Variants in ULK2 observed in about 807,000 individuals in gnomAD.
The protein encoded by ULK2 is serine/threonine-protein kinase ULK2.
In ULK2, 76 loss-of-function variants were observed where a neutral mutation model predicts 127.5. The ratio of observed to expected loss-of-function variants is 0.60; its 90% CI spans 0.50 to 0.72. The LOEUF is 0.72. Ranked by LOEUF, ULK2 falls within the 30% of genes least tolerant of loss-of-function variation. The probability of loss-of-function intolerance (pLI) is 0.00; values close to 1 mark genes in which losing one functional copy is unlikely to be tolerated. For synonymous variants in ULK2, 452 were observed against 461.9 expected, an observed-to-expected ratio of 0.98 and a Z score of 0.28; for missense variants, 1,144 against 1,295.9, an observed-to-expected ratio of 0.88 and a Z score of 1.80.
intron 13 of ULK2, among the ~76,000 whole-genome samples, chr17:19,814,567 A>G (rs1337783593): frequency 6.6e-6 from 1 of 150,580 alleles, no homozygotes; most frequent in African/African-American, 2.4e-5. Context: ...ATGCACCACC[A>G]TACCCAGCTA....
intron 14 of ULK2, among the ~76,000 whole-genome samples, chr17:19,806,703 G>C (rs528193796): frequency 3.2e-4 from 48 of 152,226 alleles, no homozygotes; most frequent in African/African-American, 1.1e-3. Context: ...TCAACTCCCT[G>C]AGTCCAAGTT....
chr17:19,840,662 AG>A (rs1365631898), intron 9 of ULK2: 1 of 167,480 alleles, frequency 6.0e-6, no homozygotes, highest in Non-Finnish European at 1.2e-5. Context: ...GGATCACTTG[AG>A]GTCAGGAGTT....
chr17:19,812,925 CTG>C (rs2087674726), intron 13 of ULK2, among the ~76,000 whole-genome samples: 1 of 152,174 alleles, frequency 6.6e-6, no homozygotes, highest in African/African-American at 2.4e-5. Context: ...TAGCAAAAAA[CTG>C]TACATTCATA....
intron 10 of ULK2, among the ~76,000 whole-genome samples, chr17:19,827,961 C>A (rs941639379): frequency 6.7e-6 from 1 of 149,266 alleles, no homozygotes; most frequent in Non-Finnish European, 1.5e-5. Context: ...ACTGATGAGA[C>A]CCACACAGAG....
chr17:19,836,358 G>C (rs1298135589), intron 10 of ULK2, among the ~76,000 whole-genome samples: 1 of 151,870 alleles, frequency 6.6e-6, no homozygotes, highest in South Asian at 2.1e-4. Flanking sequence ...GCAGTGAGCC[G>C]AGATCGCGCC....
intron 13 of ULK2, among the ~76,000 whole-genome samples, chr17:19,814,691 T>A (rs557116965): frequency 6.6e-6 from 1 of 151,966 alleles, no homozygotes; most frequent in Admixed American, 6.6e-5. Context: ...TGACTACAGG[T>A]GTGCACCACC....
intron 10 of ULK2, among the ~76,000 whole-genome samples, chr17:19,835,249 A>G (rs2041563652): frequency 6.6e-6 from 1 of 150,618 alleles, no homozygotes; most frequent in South Asian, 2.1e-4. Context: ...TCCCAGGTTC[A>G]CACCATTCTC....
intron 14 of ULK2, among the ~76,000 whole-genome samples, chr17:19,806,382 G>A (rs2087516366): frequency 6.6e-6 from 1 of 152,032 alleles, no homozygotes. Context: ...AATCTCCAAA[G>A]GGAAGAAGCT....
chr17:19,816,931 C>T lies in ULK2; in HGVS notation c.925-11G>A, dbSNP rs762519219. ...CATATCTGGAAGGGACTAAAATTAACAACATAAAATTAAAACTGGTCTAAT... is the reference window on the plus strand; with the variant it reads ...CATATCTGGAAGGGACTAAAATTAATAACATAAAATTAAAACTGGTCTAAT... On this transcript the variant is annotated splice_polypyrimidine_tract_variant and intron_variant, in intron 12 of 26. Transcript: ENST00000395544. 7 of 1,589,960 alleles carry T rather than the reference C, an allele frequency of 4.4e-6. No homozygotes were observed. The African/African-American group carries it at 6.8e-5, about 16-fold the overall frequency.
At position 19,773,357 on chromosome 17, in the gene ULK2, A is replaced by G. The variant is rs2086762767; in HGVS notation, c.*2992T>C. ...ATGTCCACTGTGTCTAACTCAACTT[A>G]TTACTGTGCAGACTGAGGCAATCCA... On this transcript the variant is annotated 3_prime_UTR_variant, in exon 27 of 27. Transcript: ENST00000395544. 1 of 152,100 alleles carries G rather than the reference A, an allele frequency of 6.6e-6. No homozygotes were observed. Among genetic ancestry groups the G allele is most frequent in the African/African-American group, 2.4e-5 (1 of 41,390 alleles). 9.4% of individuals were successfully genotyped at this position (152,100 alleles called of 1,614,324 possible).
intron 18 of ULK2, among the ~76,000 whole-genome samples, chr17:19,796,800 A>G (rs143594009): frequency 4.6e-5 from 7 of 152,204 alleles, no homozygotes; most frequent in African/African-American, 1.7e-4. Context: ...TGCGGGTGAG[A>G]CCTGGCAGGA....
In ULK2 at chr17:19,783,612, T is replaced by G. The variant is rs1414255203; in HGVS notation, c.2460+85A>C. Reference sequence around the variant, plus strand: ...TAAAGAGAACATAACTTCCTAACTATTTAATGTATTTTGTTCTTGTCATCA... The same window carrying G: ...TAAAGAGAACATAACTTCCTAACTAGTTAATGTATTTTGTTCTTGTCATCA... On this transcript the variant is annotated intron_variant, in intron 22 of 26. Transcript: ENST00000395544. 3.9e-6 allele frequency: 5 copies of G among 1,267,454 alleles called. No homozygotes were observed. The East Asian group carries it at 1.4e-4, about 35-fold the overall frequency. The allele number at this position is 1,267,454 out of a possible 1,614,324, so 78.5% of individuals were successfully genotyped here. A position where few individuals can be genotyped will look rare whatever the true frequency, so the allele number is the denominator to read the frequency against.
At chr17:19,781,461 T>TG (rs2086918679) in intron 23 of ULK2, among the ~76,000 whole-genome samples, 1 of 152,066 alleles carries the variant, frequency 6.6e-6, no homozygotes, top group African/African-American at 2.4e-5. Context: ...TTGCCCAGGC[T>TG]GGTCTCGAAC....
Position 19,810,409 on chromosome 17 carries a change from G to A in ULK2, c.1126C>T (p.Arg376Cys), listed in dbSNP as rs144154228. The A allele has an allele frequency of 8.7e-6, 14 of 1,606,730 alleles. No homozygotes were observed. The highest frequency in any genetic ancestry group is 4.5e-5 in the East Asian group (2 of 44,678). Residue 376 changes from arginine (R) to cysteine (C), a missense_variant, in exon 14 of 27, where the codon CGT becomes TGT. Coordinates refer to ENST00000395544, the MANE Select transcript of ULK2 (RefSeq NM_014683.4). The stretch of plus-strand genomic sequence containing the variant: ...CACACCAAGAATTCATTTGAAGCAC[G>A]TCTGCCAGCAGTCCCCACTGGCATA... ...CDMPVGTAGRRASNEFLVCGG... is the reference protein window; with the variant it reads ...CDMPVGTAGRCASNEFLVCGG...
At chr17:19,853,672 C>T (rs145286594) in intron 3 of ULK2, among the ~76,000 whole-genome samples, 4,725 of 151,708 alleles carry the variant, frequency 0.031, 229 homozygotes, top group African/African-American at 0.11. Context: ...CCCGGGTTCA[C>T]GCCATTCTCC....
At chr17:19,812,352 A>T (rs987392779) in intron 13 of ULK2, among the ~76,000 whole-genome samples, 1 of 152,172 alleles carries the variant, frequency 6.6e-6, no homozygotes, top group African/African-American at 2.4e-5. Flanking sequence ...CGTAGTAACC[A>T]TTTTACTATA....
chr17:19,830,096 C>T (rs1169072488), intron 10 of ULK2, among the ~76,000 whole-genome samples: 1 of 152,158 alleles, frequency 6.6e-6, no homozygotes, highest in Non-Finnish European at 1.5e-5. Context: ...AACAGACACA[C>T]GCAGAGTACT....
chr17:19,784,118 T>C (rs2086978382), intron 21 of ULK2: 1 of 396,564 alleles, frequency 2.5e-6, no homozygotes, highest in Non-Finnish European at 4.3e-6. Context: ...ATATTAGACA[T>C]CATCAGAGCT....
intron 18 of ULK2, 31 bp from the exon 19 acceptor site, chr17:19,796,313 A>G: frequency 6.5e-7 from 1 of 1,538,126 alleles, no homozygotes; most frequent in African/African-American, 1.4e-5. Flanking sequence ...ATATATATGT[A>G]AACTAGTTAA....
Sources: gnomAD v4.1 joint callset for allele counts (sites outside exome capture counted in the v4.1 genomes callset) on GRCh38, gnomAD v4.1.1 for gene constraint, MANE v1.5 for transcripts, NCBI Gene and HGNC (gene_info 2026-07-23, HGNC 2026-07-21) for gene names.